Variants in NPAS3 observed in about 807,000 individuals in gnomAD.
The protein encoded by NPAS3 is neuronal PAS domain-containing protein 3.
In NPAS3, 14 loss-of-function variants were observed where a neutral mutation model predicts 73.1. The ratio of observed to expected loss-of-function variants is 0.19; its 90% CI spans 0.13 to 0.30. The LOEUF is 0.30. Ranked by LOEUF, NPAS3 falls within the 10% of genes least tolerant of loss-of-function variation. NPAS3 has a pLI of 1.00. For synonymous variants in NPAS3, 620 were observed against 541.5 expected, an observed-to-expected ratio of 1.14 and a Z score of -2.01; for missense variants, 1,096 against 1,250.0, an observed-to-expected ratio of 0.88 and a Z score of 1.86.
chr14:33,605,999 G>A (rs113769926), intron 5 of NPAS3, among the ~76,000 whole-genome samples: 2,980 of 152,148 alleles, frequency 0.02, 100 homozygotes, highest in African/African-American at 0.068. Flanking sequence ...TCAAGACAGC[G>A]TGATATTGGC....
At chr14:33,801,016 C>T in exon 12 of NPAS3, 1 of 1,589,756 alleles carries the variant, frequency 6.3e-7, no homozygotes, top group Non-Finnish European at 8.6e-7. Context: ...GCAACGTGTT[C>T]ACCACGGCCG....
intron 4 of NPAS3, among the ~76,000 whole-genome samples, chr14:33,437,575 A>G (rs1332796004): frequency 7.0e-6 from 1 of 143,760 alleles, no homozygotes; most frequent in East Asian, 2.7e-4. Flanking sequence ...AGAGAGGGAG[A>G]GTCCTTTACT....
At chr14:33,103,883 A>G (rs748587340) in intron 2 of NPAS3, among the ~76,000 whole-genome samples, 7 of 152,150 alleles carry the variant, frequency 4.6e-5, no homozygotes, top group Non-Finnish European at 8.8e-5. Flanking sequence ...TGCAGCAAGA[A>G]AAGCACTGGG....
chr14:33,044,934 C>T lies in NPAS3; in HGVS notation c.51-10971C>T, dbSNP rs1028664185. On this transcript the variant is annotated intron_variant, in intron 1 of 11. Transcript: ENST00000356141. The stretch of plus-strand genomic sequence containing the variant: ...CCCAGTTGAAGGTGGCTCTGTTCCA[C>T]AGGTTCCTTCAGTTTCCAGAGCCCT... 2.0e-4 allele frequency among the ~76,000 whole-genome samples: 30 copies of T among 152,148 alleles called. 1 individual carries two copies. The highest frequency in any genetic ancestry group is 7.2e-4 in the African/African-American group (30 of 41,432).
rs532263902 is a variant in NPAS3 at position 33,201,790 on chromosome 14, G to A, written c.141-13392G>A. On this transcript the variant is annotated intron_variant, in intron 2 of 11. Coordinates refer to ENST00000356141, the Ensembl canonical transcript of NPAS3. ...TGGGGGCACATTGAGAAAATTGCTG[G>A]CTTTCATTGCCCCATTCCAATTAAG... is the stretch of plus-strand genomic sequence containing the variant. Among the ~76,000 whole-genome samples the A allele has an allele frequency of 1.5e-3, 221 of 152,220 alleles. 1 individual carries two copies. Among genetic ancestry groups the A allele is most frequent in the Non-Finnish European group, 2.6e-3 (176 of 67,988 alleles).
chr14:33,009,981 T>G (rs1261139477), intron 1 of NPAS3, among the ~76,000 whole-genome samples: 1 of 152,180 alleles, frequency 6.6e-6, no homozygotes, highest in African/African-American at 2.4e-5. Flanking sequence ...CGTTCCACGA[T>G]TCAGTTACTT....
At chr14:33,243,687 A>G (rs1566716541) in intron 3 of NPAS3, among the ~76,000 whole-genome samples, 1 of 152,044 alleles carries the variant, frequency 6.6e-6, no homozygotes, top group Non-Finnish European at 1.5e-5. Context: ...GACATTTAAG[A>G]AGAACAAAGA....
intron 2 of NPAS3, among the ~76,000 whole-genome samples, chr14:33,110,553 A>T (rs2042858538): frequency 6.6e-6 from 1 of 152,192 alleles, no homozygotes; most frequent in Middle Eastern, 3.2e-3. Context: ...GGTACCTTAC[A>T]GTACTAATAA....
chr14:33,546,185 G>C (rs1310585175), intron 4 of NPAS3, among the ~76,000 whole-genome samples: 3 of 152,130 alleles, frequency 2.0e-5, no homozygotes, highest in Non-Finnish European at 4.4e-5. Flanking sequence ...ATTTTTGTGA[G>C]AACCCTGGAA....
At chr14:33,720,888 G>GA (rs1216361249) in intron 6 of NPAS3, among the ~76,000 whole-genome samples, 3 of 151,694 alleles carry the variant, frequency 2.0e-5, no homozygotes, top group South Asian at 2.1e-4. Flanking sequence ...CAGACTTCAG[G>GA]AAAAAAAATA....
intron 2 of NPAS3, among the ~76,000 whole-genome samples, chr14:33,111,730 T>C (rs2138968159): frequency 6.6e-6 from 1 of 152,090 alleles, no homozygotes; most frequent in African/African-American, 2.4e-5. Flanking sequence ...GTTACATATG[T>C]ATACATGTGC....
chr14:33,392,000 G>A (rs904395469), intron 4 of NPAS3, among the ~76,000 whole-genome samples: 5 of 152,172 alleles, frequency 3.3e-5, no homozygotes, highest in Admixed American at 2.6e-4. Flanking sequence ...AAACATTTCT[G>A]GAGCTGGATT....
At chr14:33,150,762 T>A (rs2139239112) in intron 2 of NPAS3, among the ~76,000 whole-genome samples, 1 of 152,310 alleles carries the variant, frequency 6.6e-6, no homozygotes, top group Admixed American at 6.5e-5. Context: ...AACTTACTAC[T>A]CTGTCTCTGA....
chr14:32,960,085 A>G (rs1039227044), intron 1 of NPAS3, among the ~76,000 whole-genome samples: 11 of 151,268 alleles, frequency 7.3e-5, no homozygotes, highest in African/African-American at 2.7e-4. Flanking sequence ...TTTGGAAGAG[A>G]AGTGTAATAT....
At chr14:33,728,674 G>T (rs17101794) in intron 6 of NPAS3, among the ~76,000 whole-genome samples, 3,298 of 152,278 alleles carry the variant, frequency 0.022, 114 homozygotes, top group African/African-American at 0.074. Context: ...ACCCGCTTCA[G>T]AATTGCCCTG....
In NPAS3 at chr14:33,676,305, G is replaced by A. The variant is rs769415781; in HGVS notation, c.653G>A (p.Arg218Gln). The A allele has an allele frequency of 2.4e-5, 38 of 1,612,826 alleles. 1 individual carries two copies. The highest frequency in any genetic ancestry group is 1.2e-4 in the South Asian group (11 of 91,008). The change falls in exon 6 of 12, where the codon CGG (arginine) becomes CAG (glutamine). Residue 218 changes from arginine (R) to glutamine (Q), a missense_variant. By Grantham distance (43) the Arg-to-Gln change is conservative. This residue lies in a region of NPAS3 where 215 missense variants were observed against 260.0 expected (regional missense o/e 0.83). Transcript: ENST00000356141. The stretch of plus-strand genomic sequence containing the variant: ...CTGGGCATGAAGCTCCCCCCTGGGC[G>A]GGGTCTCCTGTCACAGGGCACTGCT...
chr14:33,327,778 G>A (rs2043777962), intron 3 of NPAS3, among the ~76,000 whole-genome samples: 1 of 152,170 alleles, frequency 6.6e-6, no homozygotes. Context: ...GCATGTTAAG[G>A]AAACATAAAG....
intron 1 of NPAS3, among the ~76,000 whole-genome samples, chr14:32,999,131 T>G (rs951477221): frequency 2.0e-5 from 3 of 152,214 alleles, no homozygotes; most frequent in African/African-American, 7.2e-5. Context: ...AGCTGTTGAT[T>G]GTGGTAAAAA....
chr14:33,636,898 A>AGT lies in NPAS3; in HGVS notation c.559-39309_559-39308dup, dbSNP rs895296365. ...CTGTCAGCAGGAGGAGGACACTCGG[A>AGT]GTGTGCACACACACACACACACACA... On this transcript the variant is annotated intron_variant, in intron 5 of 11. Transcript: ENST00000356141. Among the ~76,000 whole-genome samples the AGT allele has an allele frequency of 5.5e-5, 7 of 127,708 alleles. 1 individual carries two copies. Among genetic ancestry groups the AGT allele is most frequent in the Admixed American group, 5.2e-4 (7 of 13,518 alleles). 83.8% of individuals were successfully genotyped at this position (127,708 alleles called of 152,430 possible).
Sources: allele counts gnomAD v4.1 joint callset (sites outside exome capture counted in the v4.1 genomes callset), GRCh38; gene constraint gnomAD v4.1.1; regional missense constraint gnomAD v4.1.1; transcripts MANE v1.5; gene names NCBI Gene and HGNC (gene_info 2026-07-23, HGNC 2026-07-21).